TEX2: variants seen among roughly 807,000 people sequenced by gnomAD.
TEX2 encodes the protein testis-expressed protein 2.
TEX2 carries 53 observed loss-of-function variants against 106.9 expected under a neutral mutation model. The observed-to-expected ratio is 0.50, with a 90% CI of 0.40 to 0.62. The LOEUF (loss-of-function observed/expected upper bound fraction) is 0.62. Among genes scored for constraint, TEX2 ranks in the 20% least tolerant of loss-of-function variants. The pLI is 0.00. For missense variants in TEX2, 1,207 were observed against 1,379.0 expected (o/e 0.88, Z 1.98); for synonymous variants, 523 against 534.8 (o/e 0.98, Z 0.30).
At chr17:64,160,981 A>G in intron 7 of TEX2, 48 bp from the exon 8 acceptor site, 1 of 1,590,736 alleles carries the variant, frequency 6.3e-7, no homozygotes, top group Non-Finnish European at 8.6e-7. Flanking sequence ...TCAAAAAAAC[A>G]CATGACTATA....
intron 1 of TEX2, among the ~76,000 whole-genome samples, chr17:64,244,358 C>T (rs1417943937): frequency 6.6e-6 from 1 of 152,224 alleles, no homozygotes; most frequent in Non-Finnish European, 1.5e-5. Flanking sequence ...GACGTCTAGA[C>T]AGCAGGTCAG....
At chr17:64,237,435 G>A (rs1420563363) in intron 1 of TEX2, among the ~76,000 whole-genome samples, 2 of 152,150 alleles carry the variant, frequency 1.3e-5, no homozygotes, top group South Asian at 4.1e-4. Flanking sequence ...AGGTATGCAG[G>A]TGACCAGATG....
At chr17:64,261,719 G>A (rs1425599864) in intron 1 of TEX2, among the ~76,000 whole-genome samples, 3 of 151,968 alleles carry the variant, frequency 2.0e-5, no homozygotes, top group Non-Finnish European at 4.4e-5. Flanking sequence ...ACTCCCAAAG[G>A]GGCCCAGAAA....
chr17:64,229,068 C>A (rs947437970), intron 1 of TEX2, among the ~76,000 whole-genome samples: 3 of 151,560 alleles, frequency 2.0e-5, no homozygotes, highest in Admixed American at 1.3e-4. Flanking sequence ...AGAAACAACG[C>A]TGCCTTTAAA....
chr17:64,154,904 G>A lies in TEX2; in HGVS notation c.2868C>T (p.Ser956=), dbSNP rs1042324805. 18 of 1,609,720 alleles carry A rather than the reference G, an allele frequency of 1.1e-5. No homozygotes were observed. The highest frequency in any genetic ancestry group is 1.7e-4 in the Middle Eastern group (1 of 6,034). The change falls in exon 9 of 12, where the codon TCC becomes TCT. Residue 956 remains serine, a synonymous_variant. Coordinates refer to ENST00000584379, the MANE Select transcript of TEX2 (RefSeq NM_001288732.2). ...SDEESSSAGS[S]EEDDAPEPSG... ...TGGGCTCTGGGGCATCGTCTTCCTC[G>A]GAGGAGCCAGCGCTGGAGGATTCCT...
chr17:64,171,197 G>T lies in TEX2; in HGVS notation c.2574C>A (p.Leu858=). 1 of 1,613,780 alleles carries T rather than the reference G, an allele frequency of 6.2e-7. No individual in the cohort carries two copies. The highest frequency in any genetic ancestry group is 8.5e-7 in the Non-Finnish European group (1 of 1,179,798). The change falls in exon 7 of 12, where the codon CTC becomes CTA. Residue 858 remains leucine (L), a splice_region_variant and synonymous_variant. Transcript: ENST00000584379. The part of the protein sequence containing the change: ...KIQMKLSKIK[L]PYFMNELTLT... ...GAGTGAGCTCATTCATAAAGTAGGG[G>T]AGCTAGAGGAAACAAGCAAACAATG... is the stretch of plus-strand genomic sequence containing the variant.
At chr17:64,174,169 G>A (rs893213619) in intron 6 of TEX2, among the ~76,000 whole-genome samples, 2 of 152,194 alleles carry the variant, frequency 1.3e-5, no homozygotes, top group Non-Finnish European at 2.9e-5. Context: ...CTATGGGAAT[G>A]TCAGTCTGAC....
chr17:64,210,218 T>C lies in TEX2; in HGVS notation c.1644+2356A>G, dbSNP rs1555631288. Among the ~76,000 whole-genome samples the C allele has an allele frequency of 3.9e-5, 6 of 152,328 alleles. No homozygotes were observed. The South Asian group carries it at 1.2e-3, about 32-fold the overall frequency. ...CTCAGCAACCACGCGTGAGTCATTTTTGCTCCACTTCATTTATTAACGCTA... is the reference window on the plus strand; with the variant it reads ...CTCAGCAACCACGCGTGAGTCATTTCTGCTCCACTTCATTTATTAACGCTA... On this transcript the variant is annotated intron_variant, in intron 2 of 11. Coordinates refer to ENST00000584379, the MANE Select transcript of TEX2 (RefSeq NM_001288732.2).
intron 1 of TEX2, among the ~76,000 whole-genome samples, chr17:64,218,405 C>CTTTT (rs10526886): frequency 9.1e-5 from 11 of 120,630 alleles, no homozygotes; most frequent in African/African-American, 3.6e-4. Flanking sequence ...GACACTTTCA[C>CTTTT]TTTTTTTTTT....
chr17:64,246,739 A>G (rs1448892500), intron 1 of TEX2, among the ~76,000 whole-genome samples: 1 of 152,216 alleles, frequency 6.6e-6, no homozygotes, highest in Non-Finnish European at 1.5e-5. Flanking sequence ...GTGTTCTAGA[A>G]CAGCTGGAGG....
At chr17:64,151,416 T>C (rs1008878948) in intron 10 of TEX2, among the ~76,000 whole-genome samples, 1 of 152,152 alleles carries the variant, frequency 6.6e-6, no homozygotes, top group African/African-American at 2.4e-5. Context: ...TAGGGTGAAC[T>C]CCCCTTACAT....
intron 9 of TEX2, among the ~76,000 whole-genome samples, chr17:64,154,496 G>C (rs1482581469): frequency 1.3e-5 from 2 of 152,210 alleles, no homozygotes; most frequent in Admixed American, 1.3e-4. Flanking sequence ...ATGCACTCCA[G>C]CTGAAGCTGA....
At chr17:64,192,126 G>A (rs1176403441) in intron 4 of TEX2, among the ~76,000 whole-genome samples, 1 of 152,204 alleles carries the variant, frequency 6.6e-6, no homozygotes, top group Non-Finnish European at 1.5e-5. Flanking sequence ...GAGCTAGGCA[G>A]TGCCTGGTGC....
chr17:64,257,760 CA>C (rs2034210383), intron 1 of TEX2, among the ~76,000 whole-genome samples: 1 of 152,122 alleles, frequency 6.6e-6, no homozygotes, highest in African/African-American at 2.4e-5. Flanking sequence ...TTGGATACGC[CA>C]AAGTGAAGCT....
Position 64,194,980 on chromosome 17 carries a change from T to G in TEX2, c.1760A>C (p.Asn587Thr). 1 of 1,614,160 alleles carries G rather than the reference T, an allele frequency of 6.2e-7. No individual in the cohort carries two copies. The highest frequency in any genetic ancestry group is 8.5e-7 in the Non-Finnish European group (1 of 1,179,996). Reference protein sequence around the residue: ...GTLRLSKPNKNISRRASYNEP... With the variant: ...GTLRLSKPNKTISRRASYNEP... ...ATTGTAGCTGGCCCTCCTGGATATA[T>G]TTTTATTGGGCTTTGAAAGTCTTAA... Residue 587 changes from asparagine to threonine, a missense_variant, in exon 3 of 12, where the codon AAT becomes ACT. This residue lies in a region of TEX2 where 1,067 missense variants were observed against 1,193.6 expected (regional missense o/e 0.89). Coordinates refer to ENST00000584379, the MANE Select transcript of TEX2 (RefSeq NM_001288732.2).
rs574403032 is a variant in TEX2, at chr17:64,219,520, A to C, written c.-25-5278T>G. Among the ~76,000 whole-genome samples, 504 of 145,294 alleles carry C rather than the reference A, an allele frequency of 3.5e-3. 3 individuals carry two copies. The highest frequency in any genetic ancestry group is 0.012 in the African/African-American group (479 of 38,646). On this transcript the variant is annotated intron_variant, in intron 1 of 11. Coordinates refer to ENST00000584379, the MANE Select transcript of TEX2 (RefSeq NM_001288732.2). Reference sequence around the variant, plus strand: ...GACTCCATCTCATCAAATAAAATAAAATAAAATAAAATAAAATAAAATAAA... The same window carrying C: ...GACTCCATCTCATCAAATAAAATAACATAAAATAAAATAAAATAAAATAAA...
At chr17:64,162,541 G>A (rs1319904939) in intron 7 of TEX2, among the ~76,000 whole-genome samples, 1 of 152,210 alleles carries the variant, frequency 6.6e-6, no homozygotes, top group Non-Finnish European at 1.5e-5. Flanking sequence ...AAAGGCACCA[G>A]AATTATACTT....
In TEX2 at chr17:64,213,977, C is replaced by T; in HGVS notation, c.241G>A (p.Val81Ile). Residue 81 changes from valine (V) to isoleucine (I), a missense_variant, in exon 2 of 12, where the codon GTT becomes ATT. Coordinates refer to ENST00000584379, the MANE Select transcript of TEX2 (RefSeq NM_001288732.2). This position sits in a 1 kb window ranked among gnomAD's most constrained non-coding sequence, Gnocchi z 4.4. ...GCAGGGCCGGCGGGGTCATGGCCAA[C>T]TTGGGGTTCAAGATAGAGGTCTTCC... ...AKEDLYLEPQVGHDPAGPAAS... is the reference protein window; with the variant it reads ...AKEDLYLEPQIGHDPAGPAAS... 1 of 1,614,216 alleles carries T rather than the reference C, an allele frequency of 6.2e-7. No individual in the cohort carries two copies. The highest frequency in any genetic ancestry group is 8.5e-7 in the Non-Finnish European group (1 of 1,180,046).
chr17:64,227,072 A>C (rs1484340742), intron 1 of TEX2, among the ~76,000 whole-genome samples: 1 of 152,002 alleles, frequency 6.6e-6, no homozygotes, highest in Non-Finnish European at 1.5e-5. Flanking sequence ...CTGAAAATAC[A>C]AAAATTAGCT....
Sources: allele counts gnomAD v4.1 joint callset (sites outside exome capture counted in the v4.1 genomes callset), GRCh38; gene constraint gnomAD v4.1.1; regional missense constraint gnomAD v4.1.1; non-coding constraint Gnocchi (gnomAD v3.1); transcripts MANE v1.5; gene names NCBI Gene and HGNC (gene_info 2026-07-23, HGNC 2026-07-21).